Variants in SYN3 observed in about 807,000 individuals in gnomAD.
The protein encoded by SYN3 is synapsin-3.
In SYN3, 35 loss-of-function variants were observed where a neutral mutation model predicts 65.8. The ratio of observed to expected loss-of-function variants is 0.53; its 90% CI spans 0.41 to 0.70. The LOEUF is 0.70. Ranked by LOEUF, SYN3 falls within the 30% of genes least tolerant of loss-of-function variation. The probability of loss-of-function intolerance (pLI) is 0.00; values close to 1 mark genes in which losing one functional copy is unlikely to be tolerated. For missense variants in SYN3, 680 were observed against 749.0 expected (o/e 0.91, Z 1.08); for synonymous variants, 270 against 292.9 (o/e 0.92, Z 0.80).
intron 8 of SYN3, 28 bp from the exon 9 acceptor site, chr22:32,538,138 G>A (rs1169047125): frequency 6.2e-7 from 1 of 1,604,988 alleles, no homozygotes; most frequent in Admixed American, 1.7e-5. Context: ...ACACATTGAG[G>A]GAATTAGGGA....
intron 6 of SYN3, among the ~76,000 whole-genome samples, chr22:32,820,275 T>C (rs964365337): frequency 2.0e-5 from 3 of 150,696 alleles, no homozygotes; most frequent in Non-Finnish European, 3.0e-5. Context: ...TGCGCGTGTG[T>C]GTGTGTGTGT....
rs183054350 is a variant in SYN3 at position 32,912,033 on chromosome 22, G to C, written c.461+19357C>G. On this transcript the variant is annotated intron_variant, in intron 4 of 13. Coordinates refer to ENST00000358763, the MANE Select transcript of SYN3 (RefSeq NM_003490.4). ...CTTGATCTCACATTTATAAGATGTAGCTTATCGTACGCATCAAGAAGGGAG... is the reference window on the plus strand; with the variant it reads ...CTTGATCTCACATTTATAAGATGTACCTTATCGTACGCATCAAGAAGGGAG... 1.6e-4 allele frequency among the ~76,000 whole-genome samples: 24 copies of C among 152,334 alleles called. No individual in the cohort carries two copies. In the East Asian group the frequency reaches 4.4e-3, roughly 28 times the overall value.
In SYN3 at chr22:32,837,772, C is replaced by T. The variant is rs1220982502; in HGVS notation, c.711+27143G>A. ...ATCACTAGCCTCAGGGAGTAGAAGCCCACCTAAGAAATGGCACTGTCCCAT... is the reference window on the plus strand; with the variant it reads ...ATCACTAGCCTCAGGGAGTAGAAGCTCACCTAAGAAATGGCACTGTCCCAT... On this transcript the variant is annotated intron_variant, in intron 6 of 13. Coordinates refer to ENST00000358763, the MANE Select transcript of SYN3 (RefSeq NM_003490.4). This position sits in a 1 kb window ranked among gnomAD's most constrained non-coding sequence, Gnocchi z 4.1. Among the ~76,000 whole-genome samples the T allele has an allele frequency of 6.6e-6, 1 of 152,034 alleles. No homozygotes were observed. Among genetic ancestry groups the T allele is most frequent in the Non-Finnish European group, 1.5e-5 (1 of 68,010 alleles).
intron 7 of SYN3, among the ~76,000 whole-genome samples, chr22:32,557,633 C>G (rs1444207460): frequency 6.6e-6 from 1 of 152,182 alleles, no homozygotes; most frequent in Admixed American, 6.5e-5. Flanking sequence ...AATTTATGAG[C>G]CAACTGTTTC....
chr22:32,802,400 T>C (rs973053950), intron 6 of SYN3, among the ~76,000 whole-genome samples: 13 of 151,766 alleles, frequency 8.6e-5, no homozygotes, highest in African/African-American at 3.1e-4. Context: ...CCTTTTGACA[T>C]CTGGAAAATG....
intron 2 of SYN3, among the ~76,000 whole-genome samples, chr22:32,998,359 G>T (rs116116266): frequency 0.013 from 1,983 of 152,288 alleles, 31 homozygotes; most frequent in African/African-American, 0.044. Flanking sequence ...TAGCTGAGGA[G>T]GGTTTCAGAG....
chr22:32,882,385 A>G (rs2049166087), intron 4 of SYN3, among the ~76,000 whole-genome samples: 1 of 152,196 alleles, frequency 6.6e-6, no homozygotes. Context: ...CTATGGTATT[A>G]TATTTCTTTT....
chr22:32,719,357 C>T (rs1175031006), intron 6 of SYN3, among the ~76,000 whole-genome samples: 1 of 152,174 alleles, frequency 6.6e-6, no homozygotes, highest in Non-Finnish European at 1.5e-5. Flanking sequence ...ATCTTACAAC[C>T]TTTGATAAAC....
chr22:32,843,635 TG>T (rs550045401), intron 6 of SYN3, among the ~76,000 whole-genome samples: 1 of 152,136 alleles, frequency 6.6e-6, no homozygotes, highest in Non-Finnish European at 1.5e-5. Flanking sequence ...TGTGTTTTCA[TG>T]GGTAGGGCAT....
At chr22:32,956,122 T>TCGCCCAGGCCAGAA (rs2051453534) in intron 3 of SYN3, among the ~76,000 whole-genome samples, 1 of 143,716 alleles carries the variant, frequency 7.0e-6, no homozygotes, top group Non-Finnish European at 1.5e-5. Flanking sequence ...CCAAAAAATG[T>TCGCCCAGGCCAGAA]TATACAGAAC....
At chr22:32,933,927 T>C (rs1241449949) in intron 3 of SYN3, among the ~76,000 whole-genome samples, 1 of 152,210 alleles carries the variant, frequency 6.6e-6, no homozygotes, top group African/African-American at 2.4e-5. Context: ...ACAGGAATTA[T>C]GACCAAAGAC....
At chr22:32,818,946 G>A (rs1278929174) in intron 6 of SYN3, among the ~76,000 whole-genome samples, 5 of 152,258 alleles carry the variant, frequency 3.3e-5, no homozygotes, top group South Asian at 4.2e-4. Flanking sequence ...GCTACTCCTC[G>A]CCCCCTCCTG....
intron 7 of SYN3, among the ~76,000 whole-genome samples, chr22:32,569,567 CTCTCTATA>C (rs1465087147): frequency 4.7e-5 from 3 of 64,448 alleles, no homozygotes; most frequent in Admixed American, 3.8e-4. Context: ...CTCTCTCTCT[CTCTCTATA>C]TATATATATA....
At chr22:33,000,326 C>G (rs923145251) in intron 2 of SYN3, among the ~76,000 whole-genome samples, 1 of 152,174 alleles carries the variant, frequency 6.6e-6, no homozygotes, top group Non-Finnish European at 1.5e-5. Flanking sequence ...TCAGGCACCC[C>G]CAACAGGAGA....
chr22:33,035,330 ACCC>A (rs133975), intron 1 of SYN3, among the ~76,000 whole-genome samples: 2,319 of 31,462 alleles, frequency 0.074, 173 homozygotes, highest in African/African-American at 0.19. Flanking sequence ...AAATCTCGGG[ACCC>A]CCCCCCCCCC....
intron 1 of SYN3, among the ~76,000 whole-genome samples, chr22:33,051,412 C>A (rs1177091678): frequency 6.6e-6 from 1 of 152,158 alleles, no homozygotes; most frequent in Non-Finnish European, 1.5e-5. Context: ...TTCTTGCTAG[C>A]AGTTTTCCTC....
At chr22:32,609,160 T>C (rs1395105654) in intron 6 of SYN3, among the ~76,000 whole-genome samples, 1 of 151,902 alleles carries the variant, frequency 6.6e-6, no homozygotes, top group Non-Finnish European at 1.5e-5. Flanking sequence ...CCGTCTCTAC[T>C]AAAAATACAA....
At chr22:32,582,694 T>G (rs970472718) in intron 7 of SYN3, among the ~76,000 whole-genome samples, 1 of 152,110 alleles carries the variant, frequency 6.6e-6, no homozygotes, top group Non-Finnish European at 1.5e-5. Context: ...TGTTCTGCAT[T>G]TTTAAGGGGC....
chr22:32,528,882 T>G lies in SYN3; in HGVS notation c.1222A>C (p.Arg408=). ...MPGGTAPSPL[R]PWAPQIKSAK... ...GATCGTGAGGGTCTTACCCAAGGTCTGAGGGGGGAGGGCGCTGTGCCTCCT... is the reference window on the plus strand; with the variant it reads ...GATCGTGAGGGTCTTACCCAAGGTCGGAGGGGGGAGGGCGCTGTGCCTCCT... Residue 408 remains arginine, a synonymous_variant, in exon 11 of 14, where the codon AGA becomes CGA. Transcript: ENST00000358763. The G allele has an allele frequency of 6.2e-7, 1 of 1,614,130 alleles. No individual in the cohort carries two copies. The highest frequency in any genetic ancestry group is 8.5e-7 in the Non-Finnish European group (1 of 1,180,030).
Sources: gnomAD v4.1 joint callset for allele counts (sites outside exome capture counted in the v4.1 genomes callset) on GRCh38, gnomAD v4.1.1 for gene constraint, Gnocchi (gnomAD v3.1) non-coding constraint, MANE v1.5 for transcripts, NCBI Gene and HGNC (gene_info 2026-07-23, HGNC 2026-07-21) for gene names.